OSBPL9: variants seen among roughly 807,000 people sequenced by gnomAD.
OSBPL9 encodes oxysterol-binding protein-related protein 9.
OSBPL9 carries 40 observed loss-of-function variants against 106.6 expected under a neutral mutation model. That is an observed-to-expected ratio of 0.38 (90% confidence interval 0.29 to 0.49). The LOEUF is 0.49. Among genes scored for constraint, OSBPL9 ranks in the 20% least tolerant of loss-of-function variants. OSBPL9 has a pLI of 0.97. For synonymous variants in OSBPL9, 269 were observed against 295.4 expected (o/e 0.91, Z 0.92); for missense variants, 609 against 887.2 (o/e 0.69, Z 3.98).
At chr1:51,540,981 A>T in the OSBPL9 span, among the ~76,000 whole-genome samples, 2 of 150,450 alleles carry the variant, frequency 1.3e-5, no homozygotes, top group South Asian at 4.2e-4. Context: ...CAAAAAAAAA[A>T]TTACTCAGGC....
intron 12 of OSBPL9, among the ~76,000 whole-genome samples, chr1:51,769,834 C>T (rs570305288): frequency 6.6e-6 from 1 of 152,026 alleles, no homozygotes; most frequent in Non-Finnish European, 1.5e-5. Flanking sequence ...AAAAACACAG[C>T]ATAAATAGGA....
At position 51,729,778 on chromosome 1, in the gene OSBPL9, C is replaced by T; in HGVS notation, c.318+15699C>T. The T allele has an allele frequency of 8.2e-7, 1 of 1,221,386 alleles. No individual in the cohort carries two copies. The highest frequency in any genetic ancestry group is 1.0e-6 in the Non-Finnish European group (1 of 971,774). 75.7% of individuals were successfully genotyped at this position (1,221,386 alleles called of 1,614,324 possible). A position where few individuals can be genotyped will look rare whatever the true frequency, so the allele number is the denominator to read the frequency against. On this transcript the variant is annotated intron_variant, in intron 4 of 23. Transcript: ENST00000428468. The surrounding 1 kb of genome is among the most constrained non-coding windows in gnomAD (Gnocchi z 5.1). ...CCAGGGCCAGCCAATCGGGGCGACC[C>T]CTCCGCCGGGGAGGGGACGGGAAAG...
intron 3 of OSBPL9, among the ~76,000 whole-genome samples, chr1:51,682,014 C>G (rs1206741174): frequency 6.6e-6 from 1 of 152,042 alleles, no homozygotes; most frequent in Admixed American, 6.6e-5. Context: ...CCAGCCTGGG[C>G]AACATGGCAA....
At chr1:51,610,086 A>G (rs565685012) in intron 2 of OSBPL9, among the ~76,000 whole-genome samples, 5 of 152,258 alleles carry the variant, frequency 3.3e-5, no homozygotes, top group Non-Finnish European at 4.4e-5. Context: ...TCTTGTCACA[A>G]TACACTGTGG....
At chr1:51,751,177 T>C (rs1432285794) in intron 8 of OSBPL9, among the ~76,000 whole-genome samples, 1 of 152,180 alleles carries the variant, frequency 6.6e-6, no homozygotes, top group Non-Finnish European at 1.5e-5. Context: ...AACCTCTGCC[T>C]CCTGGGTGCA....
chr1:51,781,562 C>G (rs917423255), intron 16 of OSBPL9: 1 of 402,334 alleles, frequency 2.5e-6, no homozygotes, highest in Admixed American at 3.7e-5. Context: ...TCTTGTAGAC[C>G]ATAATATAAT....
At chr1:51,688,094 G>T (rs1157155400) in intron 3 of OSBPL9, among the ~76,000 whole-genome samples, 6 of 152,144 alleles carry the variant, frequency 3.9e-5, no homozygotes, top group African/African-American at 1.4e-4. Flanking sequence ...CTCTGTGGGA[G>T]TTTTTAGGTA....
intron 3 of OSBPL9, chr1:51,707,936 C>T (rs931499220): frequency 1.2e-5 from 3 of 253,114 alleles, no homozygotes; most frequent in African/African-American, 4.6e-5. Context: ...ATGGGATTTC[C>T]CTTGATGACA....
intron 1 of OSBPL9, among the ~76,000 whole-genome samples, chr1:51,623,006 T>C (rs956482938): frequency 6.6e-6 from 1 of 152,190 alleles, no homozygotes; most frequent in Non-Finnish European, 1.5e-5. Context: ...AGAGAAAAAC[T>C]AGAAGAATGT....
chr1:51,776,362 A>G (rs1675075672), intron 14 of OSBPL9, among the ~76,000 whole-genome samples: 1 of 152,230 alleles, frequency 6.6e-6, no homozygotes, highest in Admixed American at 6.5e-5. Context: ...TGAATTCCAC[A>G]TTAATAATGG....
At chr1:51,770,302 C>G (rs189070849) in intron 12 of OSBPL9, among the ~76,000 whole-genome samples, 1 of 152,086 alleles carries the variant, frequency 6.6e-6, no homozygotes, top group Non-Finnish European at 1.5e-5. Context: ...CCACCACGCT[C>G]GGCTAACTTT....
the OSBPL9 span, among the ~76,000 whole-genome samples, chr1:51,565,108 G>A: frequency 6.6e-6 from 1 of 152,182 alleles, no homozygotes; most frequent in Admixed American, 6.5e-5. Flanking sequence ...CCGTCTCTCT[G>A]CAGGCCTCTC....
At chr1:51,618,907 G>T (rs1046870737) in intron 1 of OSBPL9, among the ~76,000 whole-genome samples, 1 of 152,208 alleles carries the variant, frequency 6.6e-6, no homozygotes, top group Non-Finnish European at 1.5e-5. Context: ...GGAGAAAAGT[G>T]TAAGTTGTGA....
the OSBPL9 span, among the ~76,000 whole-genome samples, chr1:51,532,317 C>T: frequency 5.9e-5 from 9 of 151,916 alleles, no homozygotes; most frequent in East Asian, 1.9e-4. Flanking sequence ...AGAAAGTGAA[C>T]GGAATGATCT....
the OSBPL9 span, among the ~76,000 whole-genome samples, chr1:51,528,194 G>A: frequency 6.6e-6 from 1 of 151,066 alleles, no homozygotes; most frequent in African/African-American, 2.4e-5. Flanking sequence ...AATTAGGCAA[G>A]AAAAAAATAA....
chr1:51,635,370 A>T (rs1425947779), intron 1 of OSBPL9, among the ~76,000 whole-genome samples: 2 of 152,130 alleles, frequency 1.3e-5, no homozygotes, highest in Non-Finnish European at 2.9e-5. Flanking sequence ...GCAGATAAGG[A>T]GGTCTCAGAA....
At chr1:51,518,453 C>G in the OSBPL9 span, 2 of 152,620 alleles carry the variant, frequency 1.3e-5, no homozygotes, top group Admixed American at 1.3e-4. Context: ...AGGCGTGAGC[C>G]CCCCGAGGGG....
chr1:51,723,526 C>A (rs114191376), intron 4 of OSBPL9, among the ~76,000 whole-genome samples: 2,452 of 152,098 alleles, frequency 0.016, 21 homozygotes, highest in Non-Finnish European at 0.025. Flanking sequence ...CTTCCTTCCT[C>A]TTCTTTCCTG....
intron 1 of OSBPL9, 71 bp from the exon 2 acceptor site, chr1:51,651,920 C>T: frequency 8.0e-7 from 1 of 1,244,768 alleles, no homozygotes; most frequent in South Asian, 1.3e-5. Flanking sequence ...CCTTTTATCC[C>T]CAGATGATTC....
Sources: gnomAD v4.1 joint callset for allele counts (sites outside exome capture counted in the v4.1 genomes callset) on GRCh38, gnomAD v4.1.1 for gene constraint, Gnocchi (gnomAD v3.1) non-coding constraint, MANE v1.5 for transcripts, NCBI Gene and HGNC (gene_info 2026-07-23, HGNC 2026-07-21) for gene names.